Variants in PCDHGA7 observed in about 807,000 individuals in gnomAD.
PCDHGA7 encodes protocadherin gamma-A7.
PCDHGA7 carries 44 observed loss-of-function variants against 58.3 expected under a neutral mutation model. The ratio of observed to expected loss-of-function variants is 0.75; its 90% CI spans 0.59 to 0.97. PCDHGA7 has a LOEUF of 0.97. Ranked by LOEUF, PCDHGA7 falls within the 50% of genes least tolerant of loss-of-function variation. The pLI is 0.00. For synonymous variants in PCDHGA7, 516 were observed against 504.2 expected, an observed-to-expected ratio of 1.02 and a Z score of -0.31; for missense variants, 1,266 against 1,188.7, an observed-to-expected ratio of 1.06 and a Z score of -0.96.
At chr5:141,422,721 G>A in intron 1 of PCDHGA7, 1 of 1,605,664 alleles carries the variant, frequency 6.2e-7, no homozygotes, top group East Asian at 2.2e-5. Flanking sequence ...ACACTGTCCA[G>A]GGGGTGCCTC....
chr5:141,490,065 C>A lies in PCDHGA7; in HGVS notation c.2425-4742C>A, dbSNP rs1161257597. ...CTGATCCAGACGAGGGCACCAACGG[C>A]CAACTAGACTATTCTTTTGGAGACC... On this transcript the variant is annotated intron_variant, in intron 1 of 3. Coordinates refer to ENST00000518325, the MANE Select transcript of PCDHGA7 (RefSeq NM_018920.4). This position sits in a 1 kb window ranked among gnomAD's most constrained non-coding sequence, Gnocchi z 5.4. 1 of 1,614,258 alleles carries A rather than the reference C, an allele frequency of 6.2e-7. No individual in the cohort carries two copies. Among genetic ancestry groups the A allele is most frequent in the South Asian group, 1.1e-5 (1 of 91,090 alleles).
At chr5:141,435,180 C>G (rs1341148119) in intron 1 of PCDHGA7, among the ~76,000 whole-genome samples, 1 of 152,074 alleles carries the variant, frequency 6.6e-6, no homozygotes, top group African/African-American at 2.4e-5. Context: ...TTTAACTACA[C>G]TTGAGATGGC....
intron 1 of PCDHGA7, chr5:141,410,849 C>CTTTTGTTTTTTTTTTTTTTTTTT (rs2095432564): frequency 7.7e-6 from 1 of 129,786 alleles, no homozygotes; most frequent in Non-Finnish European, 1.3e-5. Flanking sequence ...TTGTCTTTGT[C>CTTTTGTTTTTTTTTTTTTTTTTT]TTTTTTTTTT....
At position 141,431,376 on chromosome 5, in the gene PCDHGA7, C is replaced by T. The variant is rs558222633; in HGVS notation, c.2424+46053C>T. The T allele has an allele frequency of 1.2e-6, 2 of 1,613,436 alleles. No homozygotes were observed. Among genetic ancestry groups the T allele is most frequent in the African/African-American group, 2.7e-5 (2 of 75,070 alleles). On this transcript the variant is annotated intron_variant, in intron 1 of 3. Coordinates refer to ENST00000518325, the MANE Select transcript of PCDHGA7 (RefSeq NM_018920.4). The surrounding 1 kb of genome is among the most constrained non-coding windows in gnomAD (Gnocchi z 4.8). Reference sequence around the variant, plus strand: ...CGCGCCCTGGACCGCGAAGAAAAGGCTGCTCACCACCTGGTCCTTACGGCC... The same window carrying T: ...CGCGCCCTGGACCGCGAAGAAAAGGTTGCTCACCACCTGGTCCTTACGGCC...
Position 141,409,074 on chromosome 5 carries a change from T to C in PCDHGA7, c.2424+23751T>C, listed in dbSNP as rs375843119. The C allele has an allele frequency of 4.3e-5, 69 of 1,613,884 alleles. No homozygotes were observed. Among genetic ancestry groups the C allele is most frequent in the South Asian group, 2.4e-4 (22 of 91,084 alleles). On this transcript the variant is annotated intron_variant, in intron 1 of 3. Coordinates refer to ENST00000518325, the MANE Select transcript of PCDHGA7 (RefSeq NM_018920.4). The stretch of plus-strand genomic sequence containing the variant: ...AGCACTGCCCAGAGCACAAAACATA[T>C]GTTCTCATTGGATGAGAAAACAGGT...
chr5:141,461,124 A>G (rs992107268), intron 1 of PCDHGA7, among the ~76,000 whole-genome samples: 1 of 151,978 alleles, frequency 6.6e-6, no homozygotes, highest in Admixed American at 6.6e-5. Context: ...TTTTTCATAT[A>G]ATTACTTATT....
chr5:141,398,367 G>A, intron 1 of PCDHGA7: 1 of 1,430,476 alleles, frequency 7.0e-7, no homozygotes, highest in Non-Finnish European at 9.7e-7. Context: ...TGAGCGCAGA[G>A]AGCGGGGAGT....
intron 1 of PCDHGA7, chr5:141,394,247 C>A (rs1414649061): frequency 1.2e-6 from 2 of 1,613,854 alleles, no homozygotes; most frequent in African/African-American, 1.3e-5. Flanking sequence ...CTGCACACGA[C>A]CCCGACAGCC....
Position 141,485,626 on chromosome 5 carries a change from T to A in PCDHGA7, c.2425-9181T>A, listed in dbSNP as rs2099616815. 6.2e-7 allele frequency: 1 copy of A among 1,611,740 alleles called. No individual in the cohort carries two copies. On this transcript the variant is annotated intron_variant, in intron 1 of 3. Coordinates refer to ENST00000518325, the MANE Select transcript of PCDHGA7 (RefSeq NM_018920.4). This position sits in a 1 kb window ranked among gnomAD's most constrained non-coding sequence, Gnocchi z 5.7. Reference sequence around the variant, plus strand: ...GGGAGGCAGCTCCTCCAGGACAGCGTTTCCCGTTGGAAAAGGCTCAGGATG... The same window carrying A: ...GGGAGGCAGCTCCTCCAGGACAGCGATTCCCGTTGGAAAAGGCTCAGGATG...
chr5:141,399,321 T>C (rs1356696829), intron 1 of PCDHGA7: 2 of 1,613,978 alleles, frequency 1.2e-6, no homozygotes, highest in Admixed American at 1.7e-5. Context: ...AAAATTCGTA[T>C]AAGTTGGTAA....
At chr5:141,394,769 C>T in intron 1 of PCDHGA7, 1 of 1,613,514 alleles carries the variant, frequency 6.2e-7, no homozygotes, top group Non-Finnish European at 8.5e-7. Flanking sequence ...ATGGCCAGCC[C>T]CCTCTCTCCG....
rs560197175 is a variant in PCDHGA7, at chr5:141,434,430, G to A, written c.2424+49107G>A. Among the ~76,000 whole-genome samples the A allele has an allele frequency of 2.4e-4, 36 of 152,326 alleles. 1 individual carries two copies. In the South Asian group the frequency reaches 6.4e-3, roughly 27 times the overall value. On this transcript the variant is annotated intron_variant, in intron 1 of 3. Coordinates refer to ENST00000518325, the MANE Select transcript of PCDHGA7 (RefSeq NM_018920.4). ...GCACTGTGACATGTTCATGATGGCC[G>A]TAATGCCCATGCTGGAAGGTAGTGG...
At chr5:141,415,445 A>G (rs1225407576) in intron 1 of PCDHGA7, 7 of 1,614,202 alleles carry the variant, frequency 4.3e-6, no homozygotes, top group South Asian at 1.1e-5. Flanking sequence ...CTGCAGACCT[A>G]TTCCCACGAG....
chr5:141,485,009 C>A lies in PCDHGA7; in HGVS notation c.2425-9798C>A, dbSNP rs531346426. 4 of 628,216 alleles carry A rather than the reference C, an allele frequency of 6.4e-6. No individual in the cohort carries two copies. Among genetic ancestry groups the A allele is most frequent in the African/African-American group, 3.7e-5 (2 of 54,100 alleles). 38.9% of individuals were successfully genotyped at this position (628,216 alleles called of 1,614,324 possible). On this transcript the variant is annotated intron_variant, in intron 1 of 3. Transcript: ENST00000518325. This position sits in a 1 kb window ranked among gnomAD's most constrained non-coding sequence, Gnocchi z 5.7. Reference sequence around the variant, plus strand: ...GGTGGTGAAAGGCAGACAAATCTACCCCGCCACCAGCAAAAACGGCGCGTA... The same window carrying A: ...GGTGGTGAAAGGCAGACAAATCTACACCGCCACCAGCAAAAACGGCGCGTA...
chr5:141,400,524 G>T, intron 1 of PCDHGA7: 1 of 1,613,920 alleles, frequency 6.2e-7, no homozygotes, highest in Non-Finnish European at 8.5e-7. Flanking sequence ...ATCCTGAGTT[G>T]GTGAGTTTCA....
At chr5:141,414,640 G>A (rs1035735674) in intron 1 of PCDHGA7, 2 of 1,613,838 alleles carry the variant, frequency 1.2e-6, no homozygotes, top group Non-Finnish European at 1.7e-6. Flanking sequence ...CAAAGAGAAT[G>A]CCCAGATTAT....
chr5:141,390,118 C>A (rs1031170621), intron 1 of PCDHGA7: 2 of 1,613,918 alleles, frequency 1.2e-6, no homozygotes, highest in African/African-American at 2.7e-5. Context: ...AGCGAGGGGA[C>A]TTTGCCTTAT....
intron 2 of PCDHGA7, among the ~76,000 whole-genome samples, chr5:141,503,269 C>T (rs1161751693): frequency 6.6e-6 from 1 of 152,116 alleles, no homozygotes; most frequent in Non-Finnish European, 1.5e-5. Flanking sequence ...ACCCCAGCAC[C>T]TGGCTCTGTG....
Position 141,485,790 on chromosome 5 carries a change from C to T in PCDHGA7, c.2425-9017C>T. On this transcript the variant is annotated intron_variant, in intron 1 of 3. Transcript: ENST00000518325. This position sits in a 1 kb window ranked among gnomAD's most constrained non-coding sequence, Gnocchi z 5.7. The stretch of plus-strand genomic sequence containing the variant: ...AAGCCTTTGGATCGAGAGAAGCAAT[C>T]GGACTACCGCCTGGTGCTGACTGCT... 6.2e-7 allele frequency: 1 copy of T among 1,614,204 alleles called. No homozygotes were observed. Among genetic ancestry groups the T allele is most frequent in the Non-Finnish European group, 8.5e-7 (1 of 1,180,032 alleles).
Sources: gnomAD v4.1 joint callset for allele counts (sites outside exome capture counted in the v4.1 genomes callset) on GRCh38, gnomAD v4.1.1 for gene constraint, Gnocchi (gnomAD v3.1) non-coding constraint, MANE v1.5 for transcripts, NCBI Gene and HGNC (gene_info 2026-07-23, HGNC 2026-07-21) for gene names.